The following TTI1 variants were observed in gnomAD, a reference collection of about 807,000 sequenced individuals.
TTI1 encodes TELO2 interacting protein 1, also known as TELO2-interacting protein 1 homolog.
Under a neutral mutation model 85.4 loss-of-function variants are expected in TTI1, and 52 were observed. That is an observed-to-expected ratio of 0.61 (90% CI 0.49 to 0.77). The LOEUF is 0.77. TTI1 is among the 30% of genes least tolerant of loss of function. The probability of loss-of-function intolerance (pLI) is 0.00; values close to 1 mark genes in which losing one functional copy is unlikely to be tolerated. For synonymous variants in TTI1, 512 were observed against 503.9 expected (o/e 1.02, Z -0.22); for missense variants, 1,173 against 1,296.0 (o/e 0.91, Z 1.46).
chr20:38,001,132 T>A (rs1196683710), intron 4 of TTI1, among the ~76,000 whole-genome samples: 6 of 152,168 alleles, frequency 3.9e-5, no homozygotes, highest in African/African-American at 1.4e-4. Flanking sequence ...AGGGATTGTG[T>A]CTGCATCATC....
chr20:37,998,049 C>T (rs1365204389), intron 5 of TTI1, among the ~76,000 whole-genome samples: 2 of 152,154 alleles, frequency 1.3e-5, no homozygotes, highest in Non-Finnish European at 2.9e-5. Context: ...CCTGCCTCAG[C>T]CTCCTGAGTA....
intron 7 of TTI1, among the ~76,000 whole-genome samples, chr20:37,991,302 T>G (rs968910071): frequency 6.6e-6 from 1 of 152,126 alleles, no homozygotes; most frequent in African/African-American, 2.4e-5. Flanking sequence ...CCCACACCAT[T>G]TAAGGGGATG....
At chr20:38,016,243 A>G (rs1268907874) in intron 1 of TTI1, among the ~76,000 whole-genome samples, 1 of 152,212 alleles carries the variant, frequency 6.6e-6, no homozygotes, top group Non-Finnish European at 1.5e-5. Flanking sequence ...AGACACTTAC[A>G]CTGCTGAGGA....
At chr20:38,001,374 G>T (rs1011633203) in intron 4 of TTI1, among the ~76,000 whole-genome samples, 1 of 152,230 alleles carries the variant, frequency 6.6e-6, no homozygotes, top group Non-Finnish European at 1.5e-5. Flanking sequence ...GACTGACTCA[G>T]ATATGTAGGT....
In TTI1 at chr20:38,006,180, C is replaced by T; in HGVS notation, c.2503+17G>A. On this transcript the variant is annotated intron_variant, in intron 3 of 7. Coordinates refer to ENST00000373447, the MANE Select transcript of TTI1 (RefSeq NM_001303457.2). ...TTCAGAAAGAAAAAACCAGCTAAGC[C>T]AAAATAAACAAGTTACCTTCTTCAT... 2 of 1,613,360 alleles carry T rather than the reference C, an allele frequency of 1.2e-6. No individual in the cohort carries two copies. Among genetic ancestry groups the T allele is most frequent in the Non-Finnish European group, 1.7e-6 (2 of 1,179,586 alleles).
At chr20:38,010,400 T>C (rs1038690383) in intron 2 of TTI1, among the ~76,000 whole-genome samples, 7 of 152,102 alleles carry the variant, frequency 4.6e-5, no homozygotes, top group African/African-American at 1.4e-4. Flanking sequence ...TATTTTCTCA[T>C]TGAAAGATTG....
intron 3 of TTI1, among the ~76,000 whole-genome samples, chr20:38,003,701 G>C (rs967572611): frequency 6.6e-6 from 1 of 150,684 alleles, no homozygotes; most frequent in Non-Finnish European, 1.5e-5. Context: ...GCAATGAGCC[G>C]AGATCGTGCC....
At chr20:38,020,323 A>AAAAATATATATATATATAT in intron 1 of TTI1, among the ~76,000 whole-genome samples, 36 of 50,354 alleles carry the variant, frequency 7.1e-4, no homozygotes, top group African/African-American at 1.2e-3. Context: ...AAAAAAAAAA[A>AAAAATATATATATATATAT]ATATATATAT....
At chr20:38,020,323 A>AAAATATATATATATATATATATAT in intron 1 of TTI1, among the ~76,000 whole-genome samples, 6 of 50,378 alleles carry the variant, frequency 1.2e-4, no homozygotes, top group East Asian at 5.7e-4. Flanking sequence ...AAAAAAAAAA[A>AAAATATATATATATATATATATAT]ATATATATAT....
At chr20:37,983,994 C>T (rs1390099532) in intron 7 of TTI1, among the ~76,000 whole-genome samples, 1 of 152,192 alleles carries the variant, frequency 6.6e-6, no homozygotes, top group Non-Finnish European at 1.5e-5. Context: ...AGAGTGTACC[C>T]TTTCTTAAAG....
chr20:37,998,210 G>A (rs1435766712), intron 5 of TTI1, among the ~76,000 whole-genome samples: 3 of 152,082 alleles, frequency 2.0e-5, no homozygotes, highest in Admixed American at 2.0e-4. Context: ...TTACAGGCAT[G>A]AGCCACCGCG....
rs941097074 is a variant in TTI1, at chr20:38,006,467, A to G, written c.2303-70T>C. ...GGCATGAGTACTTTATACACAGAAT[A>G]AGCTCTCTGCCCTGGCCTGCACAGC... On this transcript the variant is annotated intron_variant, in intron 2 of 7. Transcript: ENST00000373447. The G allele has an allele frequency of 7.1e-6, 11 of 1,556,090 alleles. No homozygotes were observed. The South Asian group carries it at 1.2e-4, about 17-fold the overall frequency.
intron 7 of TTI1, among the ~76,000 whole-genome samples, chr20:37,992,792 A>T (rs2073283288): frequency 6.6e-6 from 1 of 152,154 alleles, no homozygotes; most frequent in South Asian, 2.1e-4. Context: ...TTTGGGGTGT[A>T]TGCTCTCTTT....
rs1239932560 is a variant in TTI1, at chr20:38,002,747, C to T, written c.2533G>A (p.Glu845Lys). The T allele has an allele frequency of 1.9e-6, 3 of 1,614,216 alleles. No individual in the cohort carries two copies. In the South Asian group the frequency reaches 3.3e-5, roughly 18 times the overall value. The change falls in exon 4 of 8, where the codon GAG becomes AAG. Residue 845 changes from glutamate (E) to lysine (K), a missense_variant. By Grantham distance (56) the Glu-to-Lys change is moderately conservative. Transcript: ENST00000373447. Reference protein sequence around the residue: ...EEQSVPPKVDENDTRPDVEPP... With the variant: ...EEQSVPPKVDKNDTRPDVEPP... ...TCCACATCTGGACGGGTGTCATTCT[C>T]ATCCACTTTGGGAGGGACTGACTGT...
intron 1 of TTI1, among the ~76,000 whole-genome samples, 169 bp downstream of exon 1, chr20:38,033,235 A>C (rs557886661): frequency 3.2e-4 from 48 of 152,236 alleles, no homozygotes; most frequent in Non-Finnish European, 2.1e-4. Flanking sequence ...ACAGCCAGAG[A>C]GCCGAACACA....
At chr20:38,020,943 C>T (rs748946610) in intron 1 of TTI1, among the ~76,000 whole-genome samples, 10 of 152,216 alleles carry the variant, frequency 6.6e-5, no homozygotes, top group Non-Finnish European at 1.5e-4. Flanking sequence ...TTGGCAGTAT[C>T]TATTATTTCA....
Position 38,011,876 on chromosome 20 carries a change from C to T in TTI1, c.1941G>A (p.Leu647=), listed in dbSNP as rs917031814. The change falls in exon 2 of 8, where the codon TTG becomes TTA. Residue 647 remains leucine (L), a synonymous_variant. Transcript: ENST00000373447. ...FAYALGKDFC[L]LLMSALYPVL... is the part of the protein sequence containing the mutation. Reference sequence around the variant, plus strand: ...CTGGATAAAGGGCTGACATCAAGAGCAAACAGAAGTCTTTTCCTAGTGCAT... The same window carrying T: ...CTGGATAAAGGGCTGACATCAAGAGTAAACAGAAGTCTTTTCCTAGTGCAT... 1 of 1,614,246 alleles carries T rather than the reference C, an allele frequency of 6.2e-7. No individual in the cohort carries two copies. Among genetic ancestry groups the T allele is most frequent in the Admixed American group, 1.7e-5 (1 of 60,024 alleles).
rs541006958 is a variant in TTI1 at position 38,007,986 on chromosome 20, G to T, written c.2303-1589C>A. ...AAGATTATTTCTAGATTCAAGGCTG[G>T]TGACAGACATTAAAATGTCTTTGCT... On this transcript the variant is annotated intron_variant, in intron 2 of 7. Coordinates refer to ENST00000373447, the MANE Select transcript of TTI1 (RefSeq NM_001303457.2). Among the ~76,000 whole-genome samples, 4 of 152,316 alleles carry T rather than the reference G, an allele frequency of 2.6e-5. No homozygotes were observed. The East Asian group carries it at 7.7e-4, about 29-fold the overall frequency.
intron 1 of TTI1, among the ~76,000 whole-genome samples, chr20:38,028,237 G>A (rs187151290): frequency 4.0e-4 from 61 of 152,228 alleles, no homozygotes; most frequent in Non-Finnish European, 5.9e-4. Flanking sequence ...TGAGATTGGC[G>A]GAGTGGATTT....
Sources: allele counts gnomAD v4.1 joint callset (sites outside exome capture counted in the v4.1 genomes callset), GRCh38; gene constraint gnomAD v4.1.1; transcripts MANE v1.5; gene names NCBI Gene and HGNC (gene_info 2026-07-23, HGNC 2026-07-21).